KBTBD12: variants seen among roughly 807,000 people sequenced by gnomAD.
The protein encoded by KBTBD12 is kelch repeat and BTB domain containing 12, also known as kelch repeat and BTB domain-containing protein 12.
A neutral mutation model predicts 58.7 loss-of-function variants in KBTBD12; 53 were observed. The observed-to-expected ratio is 0.90, with a 90% CI of 0.72 to 1.14. The LOEUF is 1.14. KBTBD12 is among the 50% of genes most tolerant of loss of function. KBTBD12 has a pLI of 0.00. For synonymous variants in KBTBD12, 236 were observed against 259.8 expected, an observed-to-expected ratio of 0.91 and a Z score of 0.88; for missense variants, 704 against 751.3, an observed-to-expected ratio of 0.94 and a Z score of 0.74.
At chr3:127,984,075 T>A (rs1559778021) in intron 5 of KBTBD12, 22 bp from the exon 6 acceptor site, 3 of 1,606,184 alleles carry the variant, frequency 1.9e-6, no homozygotes, top group Middle Eastern at 1.7e-4. Flanking sequence ...GATTTTTGTC[T>A]TCCCACTTTG....
chr3:127,963,320 A>G lies in KBTBD12; in HGVS notation c.1624A>G (p.Thr542Ala), dbSNP rs371628455. Reference protein sequence around the residue: ...PMPSPLLSLRTNSTNAGAVDG... With the variant: ...PMPSPLLSLRANSTNAGAVDG... ...GCCAAGTCCCCTCCTCTCACTCCGC[A>G]CCAATTCCACCAATGCAGGGGCAGT... Residue 542 changes from threonine (T) to alanine (A), a missense_variant, in exon 5 of 6, where the codon ACC (threonine) becomes GCC (alanine). Coordinates refer to ENST00000405109, the MANE Select transcript of KBTBD12 (RefSeq NM_207335.4). 9.4e-5 allele frequency: 151 copies of G among 1,611,440 alleles called. No homozygotes were observed. The highest frequency in any genetic ancestry group is 1.2e-4 in the Non-Finnish European group (142 of 1,179,050).
At chr3:127,983,677 C>T (rs774746617) in intron 5 of KBTBD12, among the ~76,000 whole-genome samples, 5 of 152,088 alleles carry the variant, frequency 3.3e-5, no homozygotes, top group East Asian at 1.9e-4. Flanking sequence ...TGCTTGAACC[C>T]GGGAGGCGGA....
intron 2 of KBTBD12, among the ~76,000 whole-genome samples, chr3:127,924,669 T>C (rs1939522317): frequency 6.6e-6 from 1 of 152,142 alleles, no homozygotes; most frequent in Non-Finnish European, 1.5e-5. Flanking sequence ...AATTTTTTCC[T>C]TAACCATAAA....
rs539155338 is a variant in KBTBD12, at chr3:127,982,303, G to A, written c.1691-1794G>A. ...CCTCCCCAGGCTGGCCAGTCCTTAA[G>A]GACAAGAAAGGGCTCTGCCTGGAGC... On this transcript the variant is annotated intron_variant, in intron 5 of 5. Coordinates refer to ENST00000405109, the MANE Select transcript of KBTBD12 (RefSeq NM_207335.4). 2.0e-4 allele frequency among the ~76,000 whole-genome samples: 31 copies of A among 152,298 alleles called. No individual in the cohort carries two copies. In the South Asian group the frequency reaches 6.2e-3, roughly 31 times the overall value.
chr3:127,956,312 A>G (rs1260865722), intron 4 of KBTBD12, among the ~76,000 whole-genome samples: 1 of 152,178 alleles, frequency 6.6e-6, no homozygotes. Context: ...GATATCCCAC[A>G]AGTTCACAGG....
chr3:127,980,882 T>C (rs980040674), intron 5 of KBTBD12, among the ~76,000 whole-genome samples: 2 of 152,338 alleles, frequency 1.3e-5, no homozygotes, highest in Admixed American at 1.3e-4. Flanking sequence ...ACAAATTCTA[T>C]TTTAGATTTT....
chr3:127,937,202 C>A (rs1421389233), intron 4 of KBTBD12, among the ~76,000 whole-genome samples: 1 of 151,468 alleles, frequency 6.6e-6, no homozygotes, highest in Admixed American at 6.6e-5. Context: ...ACAACAACAA[C>A]AACAACAACA....
Position 127,984,414 on chromosome 3 carries a change from G to GT in KBTBD12, c.*136_*137insT. 1 of 804,126 alleles carries GT rather than the reference G, an allele frequency of 1.2e-6. No individual in the cohort carries two copies. The highest frequency in any genetic ancestry group is 1.9e-6 in the Non-Finnish European group (1 of 516,746). 49.8% of individuals were successfully genotyped at this position (804,126 alleles called of 1,614,324 possible). A position where few individuals can be genotyped will look rare whatever the true frequency, so the allele number is the denominator to read the frequency against. On this transcript the variant is annotated 3_prime_UTR_variant, in exon 6 of 6. Coordinates refer to ENST00000405109, the MANE Select transcript of KBTBD12 (RefSeq NM_207335.4). The stretch of plus-strand genomic sequence containing the variant: ...TGTGTGTGAAGAAGCAGTGTGTGCT[G>GT]GGCACTGGGTGGGGAGCATGGGGAG...
At chr3:127,921,113 T>C (rs150019644) in intron 1 of KBTBD12, among the ~76,000 whole-genome samples, 1 of 152,252 alleles carries the variant, frequency 6.6e-6, no homozygotes, top group African/African-American at 2.4e-5. Flanking sequence ...CAAGCCAGTT[T>C]TACCAAGAAA....
At chr3:127,930,096 T>C in intron 3 of KBTBD12, 37 bp from the exon 4 acceptor site, 1 of 1,538,500 alleles carries the variant, frequency 6.5e-7, no homozygotes, top group Non-Finnish European at 8.8e-7. Flanking sequence ...GATTGCTAAA[T>C]GATATGTTAT....
At chr3:127,928,520 A>G (rs1255194897) in intron 3 of KBTBD12, among the ~76,000 whole-genome samples, 1 of 152,252 alleles carries the variant, frequency 6.6e-6, no homozygotes, top group East Asian at 1.9e-4. Context: ...GTAACACTTG[A>G]TGTTTTTATT....
chr3:127,972,469 C>G (rs1940701698), intron 5 of KBTBD12, among the ~76,000 whole-genome samples: 1 of 152,150 alleles, frequency 6.6e-6, no homozygotes, highest in Non-Finnish European at 1.5e-5. Flanking sequence ...TTATTGAATG[C>G]CTTTCTAGGT....
At chr3:127,962,566 T>C (rs978954149) in intron 4 of KBTBD12, among the ~76,000 whole-genome samples, 5 of 152,238 alleles carry the variant, frequency 3.3e-5, no homozygotes, top group African/African-American at 1.2e-4. Flanking sequence ...CAGAACTCCT[T>C]ATTATAACTT....
rs150595791 is a variant in KBTBD12 at position 127,933,121 on chromosome 3, T to C, written c.1492+2838T>C. ...ATAAAATAAAACAAAACCAGGCAAA[T>C]TTGTCAAAAACTACCATTTTAGATC... On this transcript the variant is annotated intron_variant, in intron 4 of 5. Coordinates refer to ENST00000405109, the MANE Select transcript of KBTBD12 (RefSeq NM_207335.4). 2.5e-3 allele frequency among the ~76,000 whole-genome samples: 385 copies of C among 152,116 alleles called. 3 individuals carry two copies. The highest frequency in any genetic ancestry group is 8.7e-3 in the African/African-American group (363 of 41,502).
chr3:127,931,778 G>A (rs770884366), intron 4 of KBTBD12, among the ~76,000 whole-genome samples: 1 of 152,058 alleles, frequency 6.6e-6, no homozygotes, highest in Non-Finnish European at 1.5e-5. Context: ...AAAAGAGCAT[G>A]CTCCAGGAAA....
chr3:127,979,007 C>A (rs1180735518), intron 5 of KBTBD12, among the ~76,000 whole-genome samples: 2 of 152,170 alleles, frequency 1.3e-5, no homozygotes, highest in East Asian at 3.9e-4. Context: ...AACTGTCTAC[C>A]AAAGCCTTTG....
Position 127,930,260 on chromosome 3 carries a change from T to G in KBTBD12, c.1469T>G (p.Val490Gly), listed in dbSNP as rs1939673639. 6.2e-7 allele frequency: 1 copy of G among 1,611,804 alleles called. No individual in the cohort carries two copies. The highest frequency in any genetic ancestry group is 8.5e-7 in the Non-Finnish European group (1 of 1,178,818). ...AAGTACCGATTCAGTACAGCTGTAG[T>G]CAACAGTGAGATTTATGTTTTGGGT... is the stretch of plus-strand genomic sequence containing the variant. ...YSKYRFSTAV[V>G]NSEIYVLGGI... The change falls in exon 4 of 6, where the codon GTC (valine) becomes GGC (glycine). Residue 490 changes from valine (V) to glycine (G), a missense_variant. Transcript: ENST00000405109.
At chr3:127,949,267 A>G (rs891641900) in intron 4 of KBTBD12, among the ~76,000 whole-genome samples, 1 of 152,176 alleles carries the variant, frequency 6.6e-6, no homozygotes, top group Non-Finnish European at 1.5e-5. Context: ...TAACATACCA[A>G]TTGCATTTCA....
intron 1 of KBTBD12, among the ~76,000 whole-genome samples, chr3:127,917,369 A>G (rs1025121553): frequency 6.6e-6 from 1 of 152,202 alleles, no homozygotes; most frequent in Non-Finnish European, 1.5e-5. Flanking sequence ...ATATAGGATG[A>G]GATATGGGGG....
Sources: gnomAD v4.1 joint callset for allele counts (sites outside exome capture counted in the v4.1 genomes callset) on GRCh38, gnomAD v4.1.1 for gene constraint, MANE v1.5 for transcripts, NCBI Gene and HGNC (gene_info 2026-07-23, HGNC 2026-07-21) for gene names.